TPT1: variants seen among roughly 807,000 people sequenced by gnomAD.
TPT1 encodes the protein translationally-controlled tumor protein.
In TPT1, 5 loss-of-function variants were observed where a neutral mutation model predicts 22.8. That is an observed-to-expected ratio of 0.22 (90% confidence interval 0.11 to 0.46). The LOEUF is 0.46. Among genes scored for constraint, TPT1 ranks in the 20% least tolerant of loss-of-function variants. The pLI is 0.99. For synonymous variants in TPT1, 89 were observed against 73.6 expected, an observed-to-expected ratio of 1.21 and a Z score of -1.07; for missense variants, 130 against 218.7, an observed-to-expected ratio of 0.59 and a Z score of 2.56.
Position 45,338,572 on chromosome 13 carries a change from C to G in TPT1, c.516+88G>C, listed in dbSNP as rs758749570. The G allele has an allele frequency of 3.2e-6, 5 of 1,545,482 alleles. No individual in the cohort carries two copies. In the South Asian group the frequency reaches 3.7e-5, roughly 12 times the overall value. On this transcript the variant is annotated intron_variant, in intron 5 of 5. Coordinates refer to ENST00000530705, the MANE Select transcript of TPT1 (RefSeq NM_003295.4). ...AACCATGTTTCAGAACGCTGTAAAA[C>G]TCATTCTCAGTGTCACAAAACAATT...
chr13:45,339,869 C>T, intron 3 of TPT1, 125 bp downstream of exon 3: 3 of 1,083,158 alleles, frequency 2.8e-6, no homozygotes, highest in Non-Finnish European at 3.9e-6. Flanking sequence ...TTTCCGTGAA[C>T]TCATTAATAA....
rs1393944195 is a variant in TPT1, at chr13:45,340,784, G to A, written c.30C>T (p.His10=). 5.9e-6 allele frequency: 9 copies of A among 1,514,068 alleles called. No homozygotes were observed. In the East Asian group the frequency reaches 1.4e-4, roughly 23 times the overall value. 93.8% of individuals were successfully genotyped at this position (1,514,068 alleles called of 1,614,324 possible). Residue 10 remains histidine (H), a splice_region_variant and synonymous_variant, in exon 2 of 6, where the codon CAC becomes CAT. Transcript: ENST00000530705. MIIYRDLIS[H]DEMFSDIYKI... is the part of the protein sequence containing the mutation. ...TGTAGATGTCGGAGAACATCTCATCGTCTGCCGGATACACAGAGCCGCCCA... is the reference window on the plus strand; with the variant it reads ...TGTAGATGTCGGAGAACATCTCATCATCTGCCGGATACACAGAGCCGCCCA...
chr13:45,341,181 A>G lies in TPT1; in HGVS notation c.-112T>C. The stretch of plus-strand genomic sequence containing the variant: ...CGGGGGGAGGGGGGAGCGGGCGGAA[A>G]AGGCCGACTCAGCCGCTCCCCAACC... On this transcript the variant is annotated 5_prime_UTR_variant, in exon 1 of 6. Transcript: ENST00000530705. 2 of 1,438,582 alleles carry G rather than the reference A, an allele frequency of 1.4e-6. No individual in the cohort carries two copies. Among genetic ancestry groups the G allele is most frequent in the African/African-American group, 1.4e-5 (1 of 70,714 alleles). 89.1% of individuals were successfully genotyped at this position (1,438,582 alleles called of 1,614,324 possible).
rs912141591 is a variant in TPT1, at chr13:45,337,124, T to C, written c.*262A>G. On this transcript the variant is annotated 3_prime_UTR_variant, in exon 6 of 6. Coordinates refer to ENST00000530705, the MANE Select transcript of TPT1 (RefSeq NM_003295.4). ...CAGGCTCTAGCTTCTCCAGGAACAC[T>C]ACAGGATCAATTTAGTTTAAATATG... The C allele has an allele frequency of 3.7e-6, 2 of 534,796 alleles. No homozygotes were observed. The highest frequency in any genetic ancestry group is 4.3e-5 in the South Asian group (2 of 46,718). The allele number at this position is 534,796 out of a possible 1,614,324, so 33.1% of individuals were successfully genotyped here.
intron 2 of TPT1, 158 bp downstream of exon 2, chr13:45,340,554 A>T (rs1378465781): frequency 8.5e-6 from 8 of 938,606 alleles, no homozygotes; most frequent in Non-Finnish European, 1.3e-5. Context: ...TTCCAGGATC[A>T]GCTCCGCCTC....
intron 3 of TPT1, 126 bp from the exon 4 acceptor site, chr13:45,339,728 C>A: frequency 1.2e-6 from 1 of 843,380 alleles, no homozygotes; most frequent in South Asian, 1.8e-5. Context: ...TAAGAAATTA[C>A]TAGTTCACAG....
chr13:45,340,557 T>TCCGCCTCCAGTTTTCTAGAAAAA, intron 2 of TPT1, 155 bp downstream of exon 2: 1 of 962,838 alleles, frequency 1.0e-6, no homozygotes, highest in Non-Finnish European at 1.6e-6. Context: ...CAGGATCAGC[T>TCCGCCTCCAGTTTTCTAGAAAAA]CCGCCTCCAG....
At chr13:45,340,484 G>A (rs1186726164) in intron 2 of TPT1, 2 of 747,328 alleles carry the variant, frequency 2.7e-6, no homozygotes, top group Non-Finnish European at 4.7e-6. Context: ...CTCCTAAGCC[G>A]GAAGCATCAT....
In TPT1 at chr13:45,337,105, C is replaced by G. The variant is rs1046855168; in HGVS notation, c.*281G>C. ...ATGAGTAGTAGCCTACAATCAGGCT[C>G]TAGCTTCTCCAGGAACACTACAGGA... is the stretch of plus-strand genomic sequence containing the variant. On this transcript the variant is annotated 3_prime_UTR_variant, in exon 6 of 6. Transcript: ENST00000530705. The G allele has an allele frequency of 2.1e-6, 1 of 484,616 alleles. No individual in the cohort carries two copies. The highest frequency in any genetic ancestry group is 2.0e-5 in the African/African-American group (1 of 51,186). 30.0% of individuals were successfully genotyped at this position (484,616 alleles called of 1,614,324 possible).
chr13:45,339,932 T>G lies in TPT1; in HGVS notation c.293+62A>C, dbSNP rs540781387. 1.3e-5 allele frequency: 20 copies of G among 1,568,256 alleles called. No homozygotes were observed. In the African/African-American group the frequency reaches 2.5e-4, roughly 19 times the overall value. ...CCCACTGCGAAAGAACCTCAAAAGTTAGCCAATCTTTAAATCCTGTAAGAT... is the reference window on the plus strand; with the variant it reads ...CCCACTGCGAAAGAACCTCAAAAGTGAGCCAATCTTTAAATCCTGTAAGAT... On this transcript the variant is annotated intron_variant, in intron 3 of 5. Coordinates refer to ENST00000530705, the MANE Select transcript of TPT1 (RefSeq NM_003295.4).
chr13:45,339,705 G>T, intron 3 of TPT1, 103 bp from the exon 4 acceptor site: 1 of 1,069,618 alleles, frequency 9.3e-7, no homozygotes, highest in Admixed American at 2.6e-5. Context: ...CACTGAAAAA[G>T]GCAACCAGCT....
intron 5 of TPT1, chr13:45,338,350 C>T: frequency 2.7e-6 from 1 of 364,704 alleles, no homozygotes; most frequent in Non-Finnish European, 4.9e-6. Context: ...GAACTCCCAA[C>T]CTCAGGTGAT....
chr13:45,340,906 C>T (rs1415994916), intron 1 of TPT1, 121 bp from the exon 2 acceptor site: 6 of 1,494,776 alleles, frequency 4.0e-6, no homozygotes, highest in Admixed American at 2.3e-5. Flanking sequence ...TGGGCGCGAG[C>T]CCCGGGCACC....
At chr13:45,338,853 A>C (rs1370118574) in intron 4 of TPT1, 77 bp from the exon 5 acceptor site, 2 of 1,280,548 alleles carry the variant, frequency 1.6e-6, no homozygotes, top group Non-Finnish European at 2.2e-6. Context: ...CTACAGTACA[A>C]GGGAAGGTTT....
rs555217217 is a variant in TPT1, at chr13:45,337,448, C to T, written c.517-60G>A. The T allele has an allele frequency of 4.8e-5, 78 of 1,614,114 alleles. No individual in the cohort carries two copies. The South Asian group carries it at 6.6e-4, about 14-fold the overall frequency. On this transcript the variant is annotated intron_variant, in intron 5 of 5. Transcript: ENST00000530705. ...ACATTACACTGCAAAAGTTACATTACCATTAACATGCAGCCTACATTTCCA... is the reference window on the plus strand; with the variant it reads ...ACATTACACTGCAAAAGTTACATTATCATTAACATGCAGCCTACATTTCCA...
intron 5 of TPT1, 78 bp downstream of exon 5, chr13:45,338,582 G>C (rs1216478606): frequency 6.4e-6 from 10 of 1,561,882 alleles, no homozygotes; most frequent in Non-Finnish European, 7.8e-6. Flanking sequence ...CTCATTCTCA[G>C]TGTCACAAAA....
At position 45,341,183 on chromosome 13, in the gene TPT1, G is replaced by T; in HGVS notation, c.-114C>A. ...GGGGGAGGGGGGAGCGGGCGGAAAA[G>T]GCCGACTCAGCCGCTCCCCAACCTC... On this transcript the variant is annotated 5_prime_UTR_variant, in exon 1 of 6. Coordinates refer to ENST00000530705, the MANE Select transcript of TPT1 (RefSeq NM_003295.4). 7.0e-7 allele frequency: 1 copy of T among 1,424,588 alleles called. No individual in the cohort carries two copies. Among genetic ancestry groups the T allele is most frequent in the South Asian group, 1.2e-5 (1 of 82,878 alleles). 88.2% of individuals were successfully genotyped at this position (1,424,588 alleles called of 1,614,324 possible).
In TPT1 at chr13:45,338,896, A is replaced by C. The variant is rs542551465; in HGVS notation, c.400-120T>G. 274 of 753,876 alleles carry C rather than the reference A, an allele frequency of 3.6e-4. 1 individual carries two copies. The South Asian group carries it at 4.1e-3, about 11-fold the overall frequency. The allele number at this position is 753,876 out of a possible 1,614,324, so 46.7% of individuals were successfully genotyped here. Reference sequence around the variant, plus strand: ...CACAAAAATCAAAACTTCAGTACCCAAAAGCTCTGATGCTCACTTATCATA... The same window carrying C: ...CACAAAAATCAAAACTTCAGTACCCCAAAGCTCTGATGCTCACTTATCATA... On this transcript the variant is annotated intron_variant, in intron 4 of 5. Coordinates refer to ENST00000530705, the MANE Select transcript of TPT1 (RefSeq NM_003295.4).
At chr13:45,340,533 G>T in intron 2 of TPT1, 179 bp downstream of exon 2, 1 of 831,504 alleles carries the variant, frequency 1.2e-6, no homozygotes, top group Non-Finnish European at 2.0e-6. Context: ...GCGCCGAGGC[G>T]GCGGGCCTAT....
Sources: gnomAD v4.1 joint callset for allele counts on GRCh38, gnomAD v4.1.1 for gene constraint, MANE v1.5 for transcripts, NCBI Gene and HGNC (gene_info 2026-07-23, HGNC 2026-07-21) for gene names.